Variants in KAT8 observed in about 807,000 individuals in gnomAD.
KAT8 encodes lysine acetyltransferase 8.
Under a neutral mutation model 62.9 loss-of-function variants are expected in KAT8, and 40 were observed. The ratio of observed to expected loss-of-function variants is 0.64; its 90% CI spans 0.49 to 0.83. KAT8 has a LOEUF of 0.83. Among genes scored for constraint, KAT8 ranks in the 40% least tolerant of loss-of-function variants. KAT8 has a pLI of 0.00. For synonymous variants in KAT8, 278 were observed against 254.5 expected, an observed-to-expected ratio of 1.09 and a Z score of -0.88; for missense variants, 387 against 614.8, an observed-to-expected ratio of 0.63 and a Z score of 3.92.
intron 6 of KAT8, among the ~76,000 whole-genome samples, chr16:31,129,295 T>G (rs2057554879): frequency 6.6e-6 from 1 of 152,178 alleles, no homozygotes; most frequent in Non-Finnish European, 1.5e-5. Flanking sequence ...TGCTCTGCCT[T>G]CCTGAGCATG....
chr16:31,127,110 C>T, intron 4 of KAT8, 22 bp downstream of exon 4: 1 of 1,613,990 alleles, frequency 6.2e-7, no homozygotes, highest in Non-Finnish European at 8.5e-7. Flanking sequence ...TGGGAAGCTG[C>T]CTGCAGGTCC....
At chr16:31,125,834 C>T (rs955347343) in intron 3 of KAT8, 2 of 152,206 alleles carry the variant, frequency 1.3e-5, no homozygotes, top group African/African-American at 2.4e-5. Context: ...GTTCCTCCCA[C>T]AGGGTCTGGC....
intron 6 of KAT8, among the ~76,000 whole-genome samples, chr16:31,128,376 C>T (rs559259907): frequency 6.6e-6 from 1 of 152,276 alleles, no homozygotes; most frequent in East Asian, 1.9e-4. Flanking sequence ...GACGAAACTC[C>T]TCGACTAAAA....
Position 31,130,443 on chromosome 16 carries a change from C to T in KAT8, c.1007-13C>T. 1 of 1,614,144 alleles carries T rather than the reference C, an allele frequency of 6.2e-7. No individual in the cohort carries two copies. Among genetic ancestry groups the T allele is most frequent in the Non-Finnish European group, 8.5e-7 (1 of 1,179,952 alleles). ...CAGGCTGGATCCTAAGTTCCTCTTT[C>T]TACTGCTGCCAGGTTATGAGCTCTC... is the stretch of plus-strand genomic sequence containing the variant. On this transcript the variant is annotated splice_polypyrimidine_tract_variant and intron_variant, in intron 8 of 10. Transcript: ENST00000219797.
chr16:31,127,032 C>T lies in KAT8; in HGVS notation c.463-3C>T, dbSNP rs1344932313. 3.1e-6 allele frequency: 5 copies of T among 1,614,178 alleles called. No individual in the cohort carries two copies. The highest frequency in any genetic ancestry group is 4.2e-6 in the Non-Finnish European group (5 of 1,180,024). ...CTCTGCCCACTTTTCTTTCCTGGCC[C>T]AGACTTATGCAGAGATGGACCCCAC... On this transcript the variant is annotated splice_region_variant and splice_polypyrimidine_tract_variant and intron_variant, in intron 3 of 10. Transcript: ENST00000219797.
intron 5 of KAT8, among the ~76,000 whole-genome samples, 183 bp downstream of exon 5, chr16:31,127,536 G>T (rs936338162): frequency 5.3e-5 from 8 of 152,200 alleles, no homozygotes; most frequent in Admixed American, 2.0e-4. Flanking sequence ...GCTGTTGCTG[G>T]CAGGGTGACC....
In KAT8 at chr16:31,127,185, G is replaced by A; in HGVS notation, c.517-4G>A. ...ACTGTGCCTCACTCCCACCCTGCCT[G>A]CAGATCACCAAGGTGAAGTATGTGG... On this transcript the variant is annotated splice_polypyrimidine_tract_variant and splice_region_variant and intron_variant, in intron 4 of 10. Coordinates refer to ENST00000219797, the MANE Select transcript of KAT8 (RefSeq NM_032188.3). 1.9e-6 allele frequency: 3 copies of A among 1,614,234 alleles called. No homozygotes were observed. Among genetic ancestry groups the A allele is most frequent in the Non-Finnish European group, 2.5e-6 (3 of 1,180,036 alleles).
rs572043246 is a variant in KAT8 at position 31,130,924 on chromosome 16, C to T, written c.1312+24C>T. On this transcript the variant is annotated intron_variant, in intron 10 of 10. Coordinates refer to ENST00000219797, the MANE Select transcript of KAT8 (RefSeq NM_032188.3). Reference sequence around the variant, plus strand: ...AGGTGGGTGGGGGGCTGCTGTGTGTCGGGGGCGGTGGGGGAGTGTCAGTAT... The same window carrying T: ...AGGTGGGTGGGGGGCTGCTGTGTGTTGGGGGCGGTGGGGGAGTGTCAGTAT... The T allele has an allele frequency of 4.7e-4, 430 of 905,582 alleles. 2 individuals carry two copies. The highest frequency in any genetic ancestry group is 4.7e-3 in the Middle Eastern group (18 of 3,856). 56.1% of individuals were successfully genotyped at this position (905,582 alleles called of 1,614,324 possible).
intron 3 of KAT8, among the ~76,000 whole-genome samples, chr16:31,125,236 G>A (rs551611178): frequency 6.6e-6 from 1 of 151,678 alleles, no homozygotes; most frequent in African/African-American, 2.4e-5. Context: ...TTGCCACTTG[G>A]AATAAATGGC....
intron 1 of KAT8, 83 bp downstream of exon 1, chr16:31,117,975 A>G: frequency 9.7e-7 from 1 of 1,034,632 alleles, no homozygotes; most frequent in Non-Finnish European, 1.3e-6. Context: ...GCTGTCAGTG[A>G]GGCCAAGATC....
At chr16:31,128,467 C>A (rs1343078595) in intron 6 of KAT8, among the ~76,000 whole-genome samples, 1 of 152,048 alleles carries the variant, frequency 6.6e-6, no homozygotes, top group South Asian at 2.1e-4. Context: ...ATTGCTTGAA[C>A]CTGGGAGGCA....
Position 31,129,354 on chromosome 16 carries a change from T to A in KAT8, c.772-663T>A, listed in dbSNP as rs1351252118. 5.3e-5 allele frequency among the ~76,000 whole-genome samples: 8 copies of A among 152,294 alleles called. No homozygotes were observed. In the East Asian group the frequency reaches 1.5e-3, roughly 29 times the overall value. ...CCCCGCTGGAGATGTGGGGGTGCTT[T>A]CCAACTGCGCTCTGCCAGCTTTGAG... is the stretch of plus-strand genomic sequence containing the variant. On this transcript the variant is annotated intron_variant, in intron 6 of 10. Transcript: ENST00000219797.
chr16:31,128,193 A>G, intron 6 of KAT8, 54 bp downstream of exon 6: 2 of 1,360,506 alleles, frequency 1.5e-6, no homozygotes, highest in Non-Finnish European at 2.1e-6. Context: ...GGCACCTCCC[A>G]GATGATCCTC....
Position 31,127,329 on chromosome 16 carries a change from T to C in KAT8, c.657T>C (p.Tyr219=), listed in dbSNP as rs149588769. The change falls in exon 5 of 11, where the codon TAT becomes TAC. Residue 219 remains tyrosine, a synonymous_variant. Transcript: ENST00000219797. ...AGTACTGCCTCAAGTACATGAAATATGAGAAGAGCTACCGCTTCCACTTGG... is the reference window on the plus strand; with the variant it reads ...AGTACTGCCTCAAGTACATGAAATACGAGAAGAGCTACCGCTTCCACTTGG... ...LCEYCLKYMK[Y]EKSYRFHLGQ... The C allele has an allele frequency of 1.2e-5, 19 of 1,614,040 alleles. No homozygotes were observed. Among genetic ancestry groups the C allele is most frequent in the African/African-American group, 1.3e-5 (1 of 74,914 alleles).
chr16:31,128,046 C>T lies in KAT8; in HGVS notation c.682-4C>T, dbSNP rs2057546274. On this transcript the variant is annotated splice_polypyrimidine_tract_variant and splice_region_variant and intron_variant, in intron 5 of 10. Transcript: ENST00000219797. ...AGCGAACCTGTTCTCTTGTCCCCGACCAGGGTCAGTGCCAGTGGCGGCAGC... is the reference window on the plus strand; with the variant it reads ...AGCGAACCTGTTCTCTTGTCCCCGATCAGGGTCAGTGCCAGTGGCGGCAGC... 6.2e-7 allele frequency: 1 copy of T among 1,613,104 alleles called. No individual in the cohort carries two copies. The highest frequency in any genetic ancestry group is 2.2e-5 in the East Asian group (1 of 44,890).
chr16:31,129,695 G>A (rs1306704528), intron 6 of KAT8, among the ~76,000 whole-genome samples: 1 of 152,168 alleles, frequency 6.6e-6, no homozygotes, highest in African/African-American at 2.4e-5. Flanking sequence ...TTCCTGCCTC[G>A]GAGCCTCAGT....
At chr16:31,124,678 C>T (rs1046956663) in intron 3 of KAT8, among the ~76,000 whole-genome samples, 4 of 140,824 alleles carry the variant, frequency 2.8e-5, no homozygotes, top group Non-Finnish European at 4.5e-5. Flanking sequence ...GTTGCAGTGA[C>T]GTGAGATTTT....
In KAT8 at chr16:31,130,002, C is replaced by G. The variant is rs202226445; in HGVS notation, c.772-15C>G. On this transcript the variant is annotated splice_polypyrimidine_tract_variant and intron_variant, in intron 6 of 10. Coordinates refer to ENST00000219797, the MANE Select transcript of KAT8 (RefSeq NM_032188.3). The stretch of plus-strand genomic sequence containing the variant: ...GCCTGCCCCCTGAGCCTGTCTCCCC[C>G]CTCCTCAACCCTAGATTTACTGTCA... 136 of 1,613,986 alleles carry G rather than the reference C, an allele frequency of 8.4e-5. No homozygotes were observed. Among genetic ancestry groups the G allele is most frequent in the African/African-American group, 4.9e-4 (37 of 75,060 alleles).
At chr16:31,120,048 A>G (rs2057481788) in intron 1 of KAT8, 138 bp from the exon 2 acceptor site, 3 of 697,726 alleles carry the variant, frequency 4.3e-6, no homozygotes, top group Non-Finnish European at 7.7e-6. Flanking sequence ...TGTGGCAGTG[A>G]TTGAGTAGAA....
Sources: gnomAD v4.1 joint callset for allele counts (sites outside exome capture counted in the v4.1 genomes callset) on GRCh38, gnomAD v4.1.1 for gene constraint, MANE v1.5 for transcripts, NCBI Gene and HGNC (gene_info 2026-07-23, HGNC 2026-07-21) for gene names.